Variants in CEP128 observed in about 807,000 individuals in gnomAD.
CEP128 encodes centrosomal protein 128kDa.
Under a neutral mutation model 156.7 loss-of-function variants are expected in CEP128, and 132 were observed. That is an observed-to-expected ratio of 0.84 (90% CI 0.73 to 0.97). The LOEUF is 0.97. Ranked by LOEUF, CEP128 falls within the 50% of genes least tolerant of loss-of-function variation. The pLI, the probability that CEP128 is intolerant of heterozygous loss-of-function variation, is 0.00. For missense variants in CEP128, 1,252 were observed against 1,281.9 expected, an observed-to-expected ratio of 0.98 and a Z score of 0.36; for synonymous variants, 469 against 448.9, an observed-to-expected ratio of 1.04 and a Z score of -0.57.
chr14:80,498,487 A>G (rs1887592746), intron 24 of CEP128, among the ~76,000 whole-genome samples: 1 of 151,740 alleles, frequency 6.6e-6, no homozygotes, highest in South Asian at 2.1e-4. Flanking sequence ...CCTCTCACTC[A>G]CTCGCTCAGT....
In CEP128 at chr14:80,803,563, G is replaced by A. The variant is rs539775810; in HGVS notation, c.1210-10453C>T. ...CTCATGCCAAAGTATGCCTAGCACT[G>A]TCTTCTTTCAGGATCAAAGTTCCCT... On this transcript the variant is annotated intron_variant, in intron 13 of 24. Transcript: ENST00000555265. Among the ~76,000 whole-genome samples, 168 of 152,240 alleles carry A rather than the reference G, an allele frequency of 1.1e-3. 1 individual carries two copies. The highest frequency in any genetic ancestry group is 3.9e-3 in the African/African-American group (160 of 41,558).
downstream of CEP128, among the ~76,000 whole-genome samples, chr14:80,488,312 A>C (rs1451146374): frequency 7.1e-6 from 1 of 140,462 alleles, no homozygotes; most frequent in African/African-American, 2.5e-5. Flanking sequence ...CCCCATCAAA[A>C]AGTGGGTGAA....
intron 21 of CEP128, among the ~76,000 whole-genome samples, chr14:80,531,749 G>A (rs944794949): frequency 4.6e-5 from 7 of 152,162 alleles, no homozygotes; most frequent in Admixed American, 2.6e-4. Context: ...GAAGTGTACT[G>A]CAAGAACCTA....
chr14:80,921,591 G>C (rs553094420), intron 2 of CEP128, among the ~76,000 whole-genome samples: 4 of 152,180 alleles, frequency 2.6e-5, no homozygotes, highest in Non-Finnish European at 5.9e-5. Context: ...TGTGGGGAAA[G>C]GCAGAGGTAA....
chr14:80,908,009 A>G (rs1451212292), intron 4 of CEP128, among the ~76,000 whole-genome samples: 1 of 152,174 alleles, frequency 6.6e-6, no homozygotes, highest in African/African-American at 2.4e-5. Flanking sequence ...CTTTCAAGCT[A>G]AACTCAATTT....
At chr14:80,945,425 C>T (rs1594877638), upstream of CEP128, 1 of 152,254 alleles carries the variant, frequency 6.6e-6, no homozygotes, top group African/African-American at 2.4e-5. Context: ...GATCTCATTA[C>T]GTAATACCTT....
intron 13 of CEP128, among the ~76,000 whole-genome samples, chr14:80,823,371 TAAAC>T (rs773790605): frequency 1.3e-5 from 2 of 152,192 alleles, no homozygotes; most frequent in Non-Finnish European, 2.9e-5. Context: ...GAAAAGTTGT[TAAAC>T]AACATGCTAA....
intron 15 of CEP128, 107 bp from the exon 16 acceptor site, chr14:80,778,153 G>A (rs369151587): frequency 5.0e-5 from 43 of 862,390 alleles, no homozygotes; most frequent in Admixed American, 1.5e-4. Context: ...ATTTCAGCTC[G>A]TTCAAAGCAT....
At chr14:80,645,137 C>G (rs948785219) in intron 19 of CEP128, among the ~76,000 whole-genome samples, 1 of 152,064 alleles carries the variant, frequency 6.6e-6, no homozygotes, top group African/African-American at 2.4e-5. Flanking sequence ...GTCATAACCA[C>G]GTAAGCTAAC....
chr14:80,691,328 T>C (rs939513243), intron 19 of CEP128, among the ~76,000 whole-genome samples: 5 of 152,170 alleles, frequency 3.3e-5, no homozygotes, highest in African/African-American at 1.2e-4. Flanking sequence ...AATGATGTGG[T>C]GATGGGGGGA....
rs188368948 is a variant in CEP128, at chr14:80,875,922, G to C, written c.646-13049C>G. Among the ~76,000 whole-genome samples, 6 of 152,132 alleles carry C rather than the reference G, an allele frequency of 3.9e-5. No homozygotes were observed. The East Asian group carries it at 1.2e-3, about 29-fold the overall frequency. ...TAAAATAATAGTAATGTCTTCTAAG[G>C]CTCAATTAAATACAAAATTAAATAA... On this transcript the variant is annotated intron_variant, in intron 8 of 24. Coordinates refer to ENST00000555265, the MANE Select transcript of CEP128 (RefSeq NM_152446.5).
At chr14:80,838,016 T>C (rs1361002475) in intron 11 of CEP128, among the ~76,000 whole-genome samples, 188 bp downstream of exon 11, 1 of 152,226 alleles carries the variant, frequency 6.6e-6, no homozygotes, top group Non-Finnish European at 1.5e-5. Context: ...GGCTGGTGTT[T>C]GTACTAGCTT....
At chr14:80,526,833 T>C (rs1448603254) in intron 23 of CEP128, 36 bp downstream of exon 23, 1 of 1,167,092 alleles carries the variant, frequency 8.6e-7, no homozygotes, top group Non-Finnish European at 1.3e-6. Flanking sequence ...ACATGGATAC[T>C]ACTTAAAGAC....
Position 80,497,223 on chromosome 14 carries a change from GA to G in CEP128, c.*255del. The G allele has an allele frequency of 3.7e-6, 1 of 272,554 alleles. No individual in the cohort carries two copies. Among genetic ancestry groups the G allele is most frequent in the Non-Finnish European group, 6.8e-6 (1 of 146,824 alleles). The allele number at this position is 272,554 out of a possible 1,614,324, so 16.9% of individuals were successfully genotyped here. ...CACTTGAAAAAGGAAAATACAAAGT[GA>G]AAAAATATCATTCTTTCTGTGCTAG... is the stretch of plus-strand genomic sequence containing the variant. On this transcript the variant is annotated 3_prime_UTR_variant, in exon 25 of 25. Coordinates refer to ENST00000555265, the MANE Select transcript of CEP128 (RefSeq NM_152446.5).
intron 8 of CEP128, among the ~76,000 whole-genome samples, chr14:80,885,738 C>A (rs1431556239): frequency 6.6e-6 from 1 of 152,140 alleles, no homozygotes. Context: ...ATGATCGCAA[C>A]TCCTCTCCAG....
chr14:80,875,695 T>C (rs1048893015), intron 8 of CEP128, among the ~76,000 whole-genome samples: 23 of 152,130 alleles, frequency 1.5e-4, no homozygotes, highest in Non-Finnish European at 2.6e-4. Context: ...TGAAGAGAGA[T>C]TAAGTTACTA....
chr14:80,870,728 A>T (rs1008388717), intron 8 of CEP128, among the ~76,000 whole-genome samples: 7 of 152,036 alleles, frequency 4.6e-5, no homozygotes, highest in African/African-American at 1.7e-4. Flanking sequence ...TCAACGTAGT[A>T]CTGAAGGTCC....
chr14:80,634,351 G>A (rs541338753), intron 19 of CEP128, among the ~76,000 whole-genome samples: 119 of 152,248 alleles, frequency 7.8e-4, no homozygotes, highest in African/African-American at 2.5e-3. Context: ...CCAGATTCCC[G>A]AAGGGCATTT....
At chr14:80,586,407 A>G (rs1428011619) in intron 19 of CEP128, among the ~76,000 whole-genome samples, 1 of 152,208 alleles carries the variant, frequency 6.6e-6, no homozygotes, top group Non-Finnish European at 1.5e-5. Context: ...GCCTCTGTCA[A>G]TGTCACATAG....
Sources: gnomAD v4.1 joint callset for allele counts (sites outside exome capture counted in the v4.1 genomes callset) on GRCh38, gnomAD v4.1.1 for gene constraint, MANE v1.5 for transcripts, NCBI Gene and HGNC (gene_info 2026-07-23, HGNC 2026-07-21) for gene names.